Variants in FAF1 observed in about 807,000 individuals in gnomAD.
The protein encoded by FAF1 is Fas associated factor 1, also known as FAS-associated factor 1.
Under a neutral mutation model 92.5 loss-of-function variants are expected in FAF1, and 25 were observed. The observed-to-expected ratio is 0.27, with a 90% CI of 0.20 to 0.38. The LOEUF is 0.38. FAF1 is among the 10% of genes least tolerant of loss of function. The pLI, the probability that FAF1 is intolerant of heterozygous loss-of-function variation, is 1.00. For synonymous variants in FAF1, 234 were observed against 273.2 expected (o/e 0.86, Z 1.42); for missense variants, 636 against 793.3 (o/e 0.80, Z 2.38).
intron 4 of FAF1, among the ~76,000 whole-genome samples, chr1:50,751,033 A>G (rs1252511897): frequency 6.9e-6 from 1 of 144,432 alleles, no homozygotes. Flanking sequence ...CTTATTTACT[A>G]TACTAATATG....
intron 18 of FAF1, among the ~76,000 whole-genome samples, chr1:50,470,489 A>T (rs946781593): frequency 2.6e-4 from 40 of 152,304 alleles, no homozygotes; most frequent in African/African-American, 9.1e-4. Context: ...TCAATGATAT[A>T]TTCTTAAGCC....
At chr1:50,457,320 T>C (rs1646365193) in intron 18 of FAF1, among the ~76,000 whole-genome samples, 1 of 152,086 alleles carries the variant, frequency 6.6e-6, no homozygotes, top group Admixed American at 6.5e-5. Flanking sequence ...GGCACTGCGG[T>C]GAGGTCCTGG....
chr1:50,507,633 T>C (rs1647075440), intron 15 of FAF1, among the ~76,000 whole-genome samples: 1 of 152,196 alleles, frequency 6.6e-6, no homozygotes, highest in Non-Finnish European at 1.5e-5. Flanking sequence ...GGGAGGCTGT[T>C]TGAGCCCAGG....
At chr1:50,640,354 G>A (rs1037454156) in intron 8 of FAF1, among the ~76,000 whole-genome samples, 2 of 150,046 alleles carry the variant, frequency 1.3e-5, no homozygotes, top group Admixed American at 6.6e-5. Flanking sequence ...GTGCAGTGGT[G>A]CGATCTCGGC....
intron 1 of FAF1, among the ~76,000 whole-genome samples, chr1:50,933,338 G>A (rs1387078461): frequency 6.6e-6 from 1 of 152,088 alleles, no homozygotes; most frequent in Admixed American, 6.6e-5. Flanking sequence ...AGTGTTTTCT[G>A]CCAGATACCC....
intron 7 of FAF1, among the ~76,000 whole-genome samples, chr1:50,658,352 G>C (rs1374064636): frequency 6.6e-6 from 1 of 151,986 alleles, no homozygotes; most frequent in Non-Finnish European, 1.5e-5. Flanking sequence ...AGCTACCCTA[G>C]CATTGTAAAG....
intron 4 of FAF1, among the ~76,000 whole-genome samples, chr1:50,755,030 C>T (rs1236691926): frequency 1.3e-5 from 2 of 152,100 alleles, no homozygotes; most frequent in African/African-American, 4.8e-5. Flanking sequence ...ACAGCCAAAC[C>T]ATATCATTCT....
intron 1 of FAF1, among the ~76,000 whole-genome samples, chr1:50,859,999 G>A (rs1201959044): frequency 6.6e-6 from 1 of 151,832 alleles, no homozygotes; most frequent in African/African-American, 2.4e-5. Context: ...TAAGCAATAG[G>A]GAAAGGACTG....
chr1:50,502,121 C>T (rs1482420919), intron 15 of FAF1, among the ~76,000 whole-genome samples: 2 of 152,082 alleles, frequency 1.3e-5, no homozygotes, highest in African/African-American at 4.8e-5. Context: ...GCATAATAAG[C>T]CCTTTATCAG....
chr1:50,763,392 G>A (rs551491477), intron 4 of FAF1, among the ~76,000 whole-genome samples: 3 of 152,086 alleles, frequency 2.0e-5, no homozygotes, highest in African/African-American at 2.4e-5. Flanking sequence ...GCCTTGATGC[G>A]GTTTCCTCTG....
At chr1:50,453,545 C>CTCTCT (rs1572751582) in intron 18 of FAF1, among the ~76,000 whole-genome samples, 1 of 152,210 alleles carries the variant, frequency 6.6e-6, no homozygotes, top group Non-Finnish European at 1.5e-5. Context: ...GTTACCAAGG[C>CTCTCT]TCTCTCTGAG....
intron 17 of FAF1, among the ~76,000 whole-genome samples, chr1:50,485,078 C>T (rs1394981383): frequency 1.3e-5 from 2 of 151,460 alleles, no homozygotes; most frequent in Non-Finnish European, 2.9e-5. Context: ...ATGTTGTGCA[C>T]ATGTACCCTA....
At chr1:50,736,840 T>C (rs969613394) in intron 6 of FAF1, among the ~76,000 whole-genome samples, 5 of 152,204 alleles carry the variant, frequency 3.3e-5, no homozygotes, top group African/African-American at 1.2e-4. Context: ...AAAATAATTA[T>C]TACCATCAAC....
intron 15 of FAF1, among the ~76,000 whole-genome samples, chr1:50,506,920 C>G (rs1431660047): frequency 6.6e-6 from 1 of 152,186 alleles, no homozygotes; most frequent in African/African-American, 2.4e-5. Flanking sequence ...TTACCTTCTT[C>G]TTCCTGCCAT....
intron 15 of FAF1, among the ~76,000 whole-genome samples, chr1:50,492,266 C>G (rs1021428374): frequency 4.6e-5 from 7 of 152,116 alleles, no homozygotes; most frequent in African/African-American, 1.7e-4. Context: ...AGAACAAAGA[C>G]TAGGAAGTAA....
At chr1:50,777,355 A>T (rs1660999794) in intron 4 of FAF1, among the ~76,000 whole-genome samples, 1 of 152,048 alleles carries the variant, frequency 6.6e-6, no homozygotes, top group Non-Finnish European at 1.5e-5. Context: ...CTAGGAGTTC[A>T]AGCTCAACAG....
At chr1:50,715,011 C>A in intron 6 of FAF1, 2 of 434,926 alleles carry the variant, frequency 4.6e-6, no homozygotes, top group Admixed American at 2.7e-5. Context: ...AAACCTGTTG[C>A]AAAGTTCTAA....
intron 6 of FAF1, among the ~76,000 whole-genome samples, chr1:50,712,036 TAC>T (rs2124436476): frequency 6.6e-6 from 1 of 152,296 alleles, no homozygotes; most frequent in East Asian, 1.9e-4. Context: ...ATTACTATCA[TAC>T]AAAAAAGGTA....
chr1:50,457,865 C>CAAAA (rs78520067), intron 18 of FAF1, among the ~76,000 whole-genome samples: 5 of 59,448 alleles, frequency 8.4e-5, no homozygotes, highest in African/African-American at 3.1e-4. Flanking sequence ...ACCCTGTCTC[C>CAAAA]AAAAAAAAAA....
Sources: gnomAD v4.1 joint callset for allele counts (sites outside exome capture counted in the v4.1 genomes callset) on GRCh38, gnomAD v4.1.1 for gene constraint, MANE v1.5 for transcripts, NCBI Gene and HGNC (gene_info 2026-07-23, HGNC 2026-07-21) for gene names.